Variants in LRP1-AS observed in about 807,000 individuals in gnomAD.
LRP1-AS encodes LRP1 antisense RNA.
At chr12:57,145,057 A>T in exon 2 of LRP1-AS, 1 of 1,614,040 alleles carries the variant, frequency 6.2e-7, no homozygotes, top group African/African-American at 1.3e-5. Context: ...GTGTTGAAGG[A>T]TACCTCCTGC....
At chr12:57,145,595 C>G in intron 1 of LRP1-AS, 6 of 1,416,452 alleles carry the variant, frequency 4.2e-6, no homozygotes, top group Non-Finnish European at 5.8e-6. Flanking sequence ...ATGGTCCTGT[C>G]TGGGGCAGGA....
exon 2 of LRP1-AS, chr12:57,144,654 A>G (rs2035362233): frequency 2.9e-6 from 1 of 340,282 alleles, no homozygotes; most frequent in South Asian, 4.5e-5. Context: ...TATTATCTGA[A>G]TATAAGTTTC....
At chr12:57,145,431 T>C (rs1565716773) in intron 1 of LRP1-AS, 1 of 1,614,168 alleles carries the variant, frequency 6.2e-7, no homozygotes, top group South Asian at 1.1e-5. Context: ...TGTGCCCGCA[T>C]GCCTGGCCTA....
exon 2 of LRP1-AS, chr12:57,144,875 G>A (rs1003509769): frequency 1.6e-6 from 2 of 1,214,100 alleles, no homozygotes; most frequent in African/African-American, 3.0e-5. Flanking sequence ...CTTCAAGGTA[G>A]CTGTAAGGAT....
At chr12:57,145,892 A>C (rs1161984934) in intron 1 of LRP1-AS, among the ~76,000 whole-genome samples, 1 of 151,962 alleles carries the variant, frequency 6.6e-6, no homozygotes, top group Non-Finnish European at 1.5e-5. Flanking sequence ...AGGGTAAAGG[A>C]GCTGGGGCCC....
chr12:57,146,884 C>T (rs1010336745), intron 1 of LRP1-AS, among the ~76,000 whole-genome samples: 1 of 152,118 alleles, frequency 6.6e-6, no homozygotes, highest in Non-Finnish European at 1.5e-5. Context: ...TGTTCCTTGT[C>T]CACTGACCTA....
intron 1 of LRP1-AS, chr12:57,146,836 G>C (rs940982032): frequency 6.6e-6 from 1 of 152,340 alleles, no homozygotes; most frequent in African/African-American, 2.4e-5. Context: ...GATGGGGTGG[G>C]ATTGGTGCTA....
intron 1 of LRP1-AS, chr12:57,145,524 G>A: frequency 6.2e-7 from 1 of 1,603,498 alleles, no homozygotes; most frequent in African/African-American, 1.3e-5. Context: ...GAGGGCTGGG[G>A]AGGGTAGGGG....
At chr12:57,146,149 G>A (rs1184698839) in intron 1 of LRP1-AS, among the ~76,000 whole-genome samples, 7 of 152,138 alleles carry the variant, frequency 4.6e-5, no homozygotes, top group Admixed American at 1.3e-4. Context: ...AAAGGGGCAC[G>A]AGCATAGCTG....
chr12:57,145,166 G>A (rs1592606812), intron 1 of LRP1-AS: 1 of 1,613,268 alleles, frequency 6.2e-7, no homozygotes, highest in East Asian at 2.2e-5. Flanking sequence ...CTGGTGGGTG[G>A]TGGCCTGAGA....
intron 1 of LRP1-AS, chr12:57,145,245 C>T: frequency 1.2e-6 from 2 of 1,614,166 alleles, no homozygotes; most frequent in Non-Finnish European, 1.7e-6. Context: ...GACCGGCCCC[C>T]TGTGCTGTTG....
chr12:57,145,446 G>T, intron 1 of LRP1-AS: 1 of 1,614,094 alleles, frequency 6.2e-7, no homozygotes, highest in Non-Finnish European at 8.5e-7. Context: ...GGCCTAAAGG[G>T]CTTCGTGGAT....
chr12:57,144,747 T>A, exon 2 of LRP1-AS: 2 of 570,560 alleles, frequency 3.5e-6, no homozygotes, highest in Non-Finnish European at 3.1e-6. Flanking sequence ...CAATAAATCT[T>A]CCCTGCGTGG....
intron 1 of LRP1-AS, chr12:57,145,433 C>G (rs768831511): frequency 1.2e-6 from 2 of 1,614,080 alleles, no homozygotes; most frequent in Non-Finnish European, 1.7e-6. Context: ...TGCCCGCATG[C>G]CTGGCCTAAA....
intron 1 of LRP1-AS, among the ~76,000 whole-genome samples, chr12:57,147,104 T>C (rs1171163148): frequency 6.6e-6 from 1 of 151,950 alleles, no homozygotes; most frequent in Non-Finnish European, 1.5e-5. Context: ...CCTCCCAGTC[T>C]GCTAAACTCA....
intron 1 of LRP1-AS, chr12:57,145,444 G>C: frequency 6.2e-7 from 1 of 1,614,108 alleles, no homozygotes. Flanking sequence ...CTGGCCTAAA[G>C]GGCTTCGTGG....
In LRP1-AS at chr12:57,145,151, G is replaced by A. The variant is rs760330131; in HGVS notation, n.182-68C>T. On this transcript the variant is annotated intron_variant and non_coding_transcript_variant, in intron 1 of 1. Transcript: ENST00000555461. ...GTGCTAACTAAGCCCCCTCAATGCT[G>A]TTCCCTGGTGGGTGGTGGCCTGAGA... 16 of 1,613,420 alleles carry A rather than the reference G, an allele frequency of 9.9e-6. No individual in the cohort carries two copies. The East Asian group carries it at 3.6e-4, about 36-fold the overall frequency.
chr12:57,145,663 C>T (rs1025928623), intron 1 of LRP1-AS, among the ~76,000 whole-genome samples: 6 of 152,142 alleles, frequency 3.9e-5, no homozygotes, highest in South Asian at 4.1e-4. Context: ...GCCACCGGCA[C>T]GCTCCCTCCC....
chr12:57,144,808 C>T, exon 2 of LRP1-AS: 1 of 681,508 alleles, frequency 1.5e-6, no homozygotes, highest in South Asian at 1.7e-5. Flanking sequence ...CAAGACTGGA[C>T]TTGCTGGGTG....
Sources: allele counts gnomAD v4.1 joint callset (sites outside exome capture counted in the v4.1 genomes callset), GRCh38; gene constraint gnomAD v4.1.1; transcripts MANE v1.5; gene names NCBI Gene and HGNC (gene_info 2026-07-23, HGNC 2026-07-21).